Variants in SEMA3D observed in about 807,000 individuals in gnomAD.
SEMA3D encodes the protein semaphorin-3D.
SEMA3D carries 84 observed loss-of-function variants against 100.1 expected under a neutral mutation model. The ratio of observed to expected loss-of-function variants is 0.84; its 90% CI spans 0.70 to 1.01. The LOEUF (loss-of-function observed/expected upper bound fraction) is 1.01. SEMA3D is among the 50% of genes least tolerant of loss of function. The pLI is 0.00. For missense variants in SEMA3D, 875 were observed against 934.1 expected (o/e 0.94, Z 0.82); for synonymous variants, 312 against 320.7 (o/e 0.97, Z 0.29).
At chr7:85,236,370 T>C in the SEMA3D span, among the ~76,000 whole-genome samples, 1 of 151,442 alleles carries the variant, frequency 6.6e-6, no homozygotes, top group African/African-American at 2.4e-5. Context: ...TGCAGTGGCA[T>C]GATCTCGGCT....
At chr7:85,219,248 A>C in the SEMA3D span, among the ~76,000 whole-genome samples, 1 of 152,072 alleles carries the variant, frequency 6.6e-6, no homozygotes, top group Non-Finnish European at 1.5e-5. Flanking sequence ...AAAAAAGTAA[A>C]GAAAAAGAAA....
chr7:85,000,657 C>T lies in SEMA3D; in HGVS notation c.1909-792G>A, dbSNP rs76413978. 4.7e-4 allele frequency among the ~76,000 whole-genome samples: 71 copies of T among 152,238 alleles called. No individual in the cohort carries two copies. In the East Asian group the frequency reaches 0.012, roughly 25 times the overall value. ...ATGCTATGACATGGTAATGTGATTT[C>T]AAGTGTGAGAAAGCACAATGAACAC... On this transcript the variant is annotated intron_variant, in intron 18 of 18. Coordinates refer to ENST00000284136, the MANE Select transcript of SEMA3D (RefSeq NM_001384900.1).
intron 1 of SEMA3D, among the ~76,000 whole-genome samples, chr7:85,168,699 C>A (rs1175131407): frequency 6.8e-6 from 1 of 147,774 alleles, no homozygotes; most frequent in African/African-American, 2.5e-5. Flanking sequence ...AAGCCCAGAG[C>A]TATTCCCCTC....
In SEMA3D at chr7:84,999,435, G is replaced by C; in HGVS notation, c.*5C>G. On this transcript the variant is annotated 3_prime_UTR_variant, in exon 19 of 19. Coordinates refer to ENST00000284136, the MANE Select transcript of SEMA3D (RefSeq NM_001384900.1). ...GGAATTCTTTTCTTTAAATTAAGTA[G>C]AAAACTACGTGGCTACAGCTCTAGG... is the stretch of plus-strand genomic sequence containing the variant. The C allele has an allele frequency of 6.2e-7, 1 of 1,610,704 alleles. No homozygotes were observed. Among genetic ancestry groups the C allele is most frequent in the African/African-American group, 1.3e-5 (1 of 74,810 alleles).
chr7:85,147,092 C>CTTTTCTTTTTTTTTTTTTTTTTTTTTTT (rs1165953881), intron 2 of SEMA3D, among the ~76,000 whole-genome samples: 9 of 48,182 alleles, frequency 1.9e-4, no homozygotes, highest in Non-Finnish European at 2.8e-4. Flanking sequence ...TTTTTCTTTT[C>CTTTTCTTTTTTTTTTTTTTTTTTTTTTT]TTTTTTTTTT....
chr7:85,106,883 TG>T (rs1221095564), intron 3 of SEMA3D, among the ~76,000 whole-genome samples: 1 of 151,944 alleles, frequency 6.6e-6, no homozygotes, highest in African/African-American at 2.4e-5. Flanking sequence ...GAGAAAAGCA[TG>T]GGGGAAACCG....
chr7:85,016,221 G>A (rs1430382823), intron 15 of SEMA3D, among the ~76,000 whole-genome samples: 1 of 146,010 alleles, frequency 6.8e-6, no homozygotes, highest in Non-Finnish European at 1.5e-5. Flanking sequence ...CTTCATTTCG[G>A]ATTAAGACAT....
At chr7:85,029,783 G>A (rs763819575) in intron 12 of SEMA3D, 12 of 231,850 alleles carry the variant, frequency 5.2e-5, no homozygotes, top group South Asian at 1.2e-4. Flanking sequence ...GCAGTTTTAC[G>A]GTCGAGCTGC....
chr7:85,102,869 T>C (rs867904861), intron 3 of SEMA3D, among the ~76,000 whole-genome samples: 4 of 152,042 alleles, frequency 2.6e-5, no homozygotes, highest in Middle Eastern at 3.2e-3. Flanking sequence ...ACCAATTCTA[T>C]GGGGTTTAGT....
intron 9 of SEMA3D, among the ~76,000 whole-genome samples, chr7:85,055,028 C>G (rs1237744460): frequency 6.6e-6 from 1 of 151,936 alleles, no homozygotes; most frequent in Admixed American, 6.6e-5. Flanking sequence ...AAACTAATTG[C>G]AGTATTCTTC....
intron 8 of SEMA3D, among the ~76,000 whole-genome samples, chr7:85,064,262 T>C (rs1791553111): frequency 6.6e-6 from 1 of 152,306 alleles, no homozygotes; most frequent in South Asian, 2.1e-4. Flanking sequence ...AGCTATTCTA[T>C]AGGTGACATT....
rs975580303 is a variant in SEMA3D, at chr7:84,996,938, GA to G, written c.*2501del. On this transcript the variant is annotated 3_prime_UTR_variant, in exon 19 of 19. Transcript: ENST00000284136. ...ATGTTCTAGACAACTAAAAAGCTAAGAAAAAAACACATTTTAGATATTCTTT... is the reference window on the plus strand; with the variant it reads ...ATGTTCTAGACAACTAAAAAGCTAAGAAAAAACACATTTTAGATATTCTTT... 2.6e-5 allele frequency: 4 copies of G among 151,202 alleles called. No homozygotes were observed. The highest frequency in any genetic ancestry group is 4.8e-5 in the African/African-American group (2 of 41,270). 9.4% of individuals were successfully genotyped at this position (151,202 alleles called of 1,614,324 possible). A position where few individuals can be genotyped will look rare whatever the true frequency, so the allele number is the denominator to read the frequency against.
intron 5 of SEMA3D, among the ~76,000 whole-genome samples, chr7:85,075,291 A>G (rs1791891647): frequency 6.6e-6 from 1 of 152,130 alleles, no homozygotes; most frequent in Admixed American, 6.6e-5. Context: ...AAAGAAATAT[A>G]ACTCCCTTTC....
chr7:85,177,603 T>C (rs1452138394), intron 1 of SEMA3D, among the ~76,000 whole-genome samples: 1 of 152,136 alleles, frequency 6.6e-6, no homozygotes, highest in Non-Finnish European at 1.5e-5. Flanking sequence ...GTGCTTAAGA[T>C]TGATTTATAG....
At chr7:85,039,129 A>C (rs2158727) in intron 11 of SEMA3D, among the ~76,000 whole-genome samples, 39,645 of 152,032 alleles carry the variant, frequency 0.26, 5,248 homozygotes, top group Non-Finnish European at 0.3. Context: ...AACTATTTCC[A>C]ACAATATAGG....
chr7:85,095,779 A>T (rs1444420817), intron 4 of SEMA3D, among the ~76,000 whole-genome samples: 1 of 152,080 alleles, frequency 6.6e-6, no homozygotes, highest in Non-Finnish European at 1.5e-5. Context: ...TGTAGATAAC[A>T]TCTAATTTCA....
At chr7:85,077,811 T>A (rs148935858) in intron 5 of SEMA3D, among the ~76,000 whole-genome samples, 73 of 152,292 alleles carry the variant, frequency 4.8e-4, no homozygotes, top group African/African-American at 1.6e-3. Context: ...GGCAATATGT[T>A]TATAAAAATT....
intron 6 of SEMA3D, among the ~76,000 whole-genome samples, chr7:85,071,193 T>C (rs949535429): frequency 2.0e-5 from 3 of 152,194 alleles, no homozygotes; most frequent in Admixed American, 6.5e-5. Context: ...TTACACCCTA[T>C]GCTATGAGCT....
chr7:85,188,916 G>A (rs1791634985), upstream of SEMA3D, among the ~76,000 whole-genome samples: 1 of 152,052 alleles, frequency 6.6e-6, no homozygotes, highest in South Asian at 2.1e-4. Flanking sequence ...TTATGCATGT[G>A]TCTGCATCCC....
Sources: allele counts gnomAD v4.1 joint callset (sites outside exome capture counted in the v4.1 genomes callset), GRCh38; gene constraint gnomAD v4.1.1; transcripts MANE v1.5; gene names NCBI Gene and HGNC (gene_info 2026-07-23, HGNC 2026-07-21).